The following CUL1 variants were observed in gnomAD, a reference collection of about 807,000 sequenced individuals.
CUL1 encodes the protein cullin 1.
CUL1 carries 24 observed loss-of-function variants against 118.0 expected under a neutral mutation model. The observed-to-expected ratio is 0.20, with a 90% CI of 0.15 to 0.29. CUL1 has a LOEUF of 0.29. CUL1 is among the 10% of genes least tolerant of loss of function. CUL1 has a pLI of 1.00. For missense variants in CUL1, 361 were observed against 933.8 expected, an observed-to-expected ratio of 0.39 and a Z score of 7.99; for synonymous variants, 332 against 340.4, an observed-to-expected ratio of 0.98 and a Z score of 0.27.
chr7:148,784,976 G>A (rs1800768443), intron 11 of CUL1, among the ~76,000 whole-genome samples: 1 of 152,128 alleles, frequency 6.6e-6, no homozygotes, highest in Admixed American at 6.5e-5. Context: ...TAGCTTTCTA[G>A]GAACATAAGG....
intron 3 of CUL1, among the ~76,000 whole-genome samples, chr7:148,756,296 C>T (rs939334613): frequency 1.3e-5 from 2 of 151,858 alleles, no homozygotes; most frequent in Admixed American, 6.6e-5. Context: ...TAGTATTAGT[C>T]TCATTGTCTG....
chr7:148,699,575 C>T (rs907612692), intron 1 of CUL1, among the ~76,000 whole-genome samples: 4 of 152,216 alleles, frequency 2.6e-5, no homozygotes, highest in Non-Finnish European at 4.4e-5. Context: ...AGCCGCGGAG[C>T]CGGGCTCTCT....
At position 148,710,369 on chromosome 7, in the gene CUL1, A is replaced by G. The variant is rs142221254; in HGVS notation, c.-162+11340A>G. On this transcript the variant is annotated intron_variant, in intron 1 of 21. Coordinates refer to ENST00000325222, the MANE Select transcript of CUL1 (RefSeq NM_003592.3). ...CGGATCACCTGAGGTCAGGAGTTCG[A>G]GACCAGCCTGACCAACATGTAGAAA... is the stretch of plus-strand genomic sequence containing the variant. Among the ~76,000 whole-genome samples the G allele has an allele frequency of 4.1e-3, 625 of 152,226 alleles. 4 individuals are homozygous for G. The highest frequency in any genetic ancestry group is 0.014 in the African/African-American group (580 of 41,552).
chr7:148,697,775 C>T (rs1327878738), upstream of CUL1: 1 of 152,296 alleles, frequency 6.6e-6, no homozygotes, highest in Non-Finnish European at 1.5e-5. Context: ...CCACCCCTCA[C>T]TAGGTGTTGG....
At chr7:148,783,447 T>C (rs1800715616) in intron 9 of CUL1, 5 of 985,496 alleles carry the variant, frequency 5.1e-6, no homozygotes, top group African/African-American at 3.5e-5. Flanking sequence ...AGAGTTCCAC[T>C]GTTTAACAAG....
chr7:148,709,821 C>T (rs1481337115), intron 1 of CUL1, among the ~76,000 whole-genome samples: 3 of 152,078 alleles, frequency 2.0e-5, no homozygotes, highest in East Asian at 1.9e-4. Context: ...TGGTGGCTCA[C>T]GTCTGTAATT....
At chr7:148,790,548 CT>C in intron 16 of CUL1, 107 bp downstream of exon 16, 2 of 970,740 alleles carry the variant, frequency 2.1e-6, no homozygotes, top group Non-Finnish European at 3.0e-6. Context: ...AATTCAGCTT[CT>C]GGTGAAATAG....
intron 1 of CUL1, among the ~76,000 whole-genome samples, chr7:148,725,211 A>AGG (rs1554463772): frequency 7.0e-6 from 1 of 143,270 alleles, no homozygotes; most frequent in African/African-American, 2.9e-5. Context: ...ACACACACAC[A>AGG]CGCGCGCGCT....
intron 1 of CUL1, among the ~76,000 whole-genome samples, chr7:148,717,320 G>C (rs891968242): frequency 1.3e-5 from 2 of 152,150 alleles, no homozygotes; most frequent in African/African-American, 4.8e-5. Context: ...GCCTTCCAAA[G>C]TGCTAGGATT....
chr7:148,777,653 T>C (rs527486711), intron 9 of CUL1, among the ~76,000 whole-genome samples: 1 of 152,296 alleles, frequency 6.6e-6, no homozygotes, highest in African/African-American at 2.4e-5. Flanking sequence ...ATTCCAATCC[T>C]ACGTGCCCCT....
intron 5 of CUL1, 37 bp from the exon 6 acceptor site, chr7:148,759,511 A>C: frequency 7.1e-7 from 1 of 1,413,498 alleles, no homozygotes; most frequent in Non-Finnish European, 1.0e-6. Context: ...ATCATATTCT[A>C]TAACCTGTGT....
intron 2 of CUL1, among the ~76,000 whole-genome samples, chr7:148,748,963 C>G (rs1799393262): frequency 6.6e-6 from 1 of 152,124 alleles, no homozygotes; most frequent in African/African-American, 2.4e-5. Context: ...TGATGTGATG[C>G]AGCCAAGTGG....
chr7:148,710,778 G>A (rs1038859866), intron 1 of CUL1, among the ~76,000 whole-genome samples: 6 of 151,428 alleles, frequency 4.0e-5, no homozygotes, highest in Admixed American at 3.9e-4. Flanking sequence ...ATTCTCCTGC[G>A]TCAGCCTCCC....
intron 6 of CUL1, among the ~76,000 whole-genome samples, chr7:148,759,990 A>G (rs1799784171): frequency 6.6e-6 from 1 of 152,204 alleles, no homozygotes. Context: ...AAGTAATACA[A>G]TGTCTTAAAA....
At chr7:148,722,324 C>T (rs1459177109) in intron 1 of CUL1, among the ~76,000 whole-genome samples, 3 of 152,188 alleles carry the variant, frequency 2.0e-5, no homozygotes, top group Non-Finnish European at 4.4e-5. Flanking sequence ...GATTGGGACT[C>T]CCCACTCCAC....
At chr7:148,712,982 T>A (rs1279731617) in intron 1 of CUL1, among the ~76,000 whole-genome samples, 1 of 152,258 alleles carries the variant, frequency 6.6e-6, no homozygotes, top group Non-Finnish European at 1.5e-5. Context: ...TGAGTAATAC[T>A]TAACCTTGTT....
At chr7:148,742,209 T>TA (rs1393958486) in intron 2 of CUL1, among the ~76,000 whole-genome samples, 1 of 152,160 alleles carries the variant, frequency 6.6e-6, no homozygotes, top group African/African-American at 2.4e-5. Flanking sequence ...TCTGTTCTCA[T>TA]ACAGCTAATA....
At chr7:148,757,608 C>A (rs540714183) in intron 4 of CUL1, among the ~76,000 whole-genome samples, 1 of 152,312 alleles carries the variant, frequency 6.6e-6, no homozygotes, top group Admixed American at 6.5e-5. Context: ...CAGTAATATA[C>A]GTTTCTTCAG....
chr7:148,761,337 G>A (rs1339341145), intron 7 of CUL1, among the ~76,000 whole-genome samples: 1 of 152,004 alleles, frequency 6.6e-6, no homozygotes. Context: ...GTGAAACCCC[G>A]TTTCTACTAA....
Sources: gnomAD v4.1 joint callset for allele counts (sites outside exome capture counted in the v4.1 genomes callset) on GRCh38, gnomAD v4.1.1 for gene constraint, MANE v1.5 for transcripts, NCBI Gene and HGNC (gene_info 2026-07-23, HGNC 2026-07-21) for gene names.